Variants in LOC128125822 observed in about 807,000 individuals in gnomAD.
At chr6:63,578,269 C>T in the LOC128125822 span, among the ~76,000 whole-genome samples, 5 of 152,224 alleles carry the variant, frequency 3.3e-5, no homozygotes, top group Non-Finnish European at 5.9e-5. Flanking sequence ...AGCATTGTCA[C>T]TTAAAACAAA....
chr6:63,576,576 GTGGTTA>G, the LOC128125822 span: 2 of 453,902 alleles, frequency 4.4e-6, no homozygotes, highest in African/African-American at 4.1e-5. Flanking sequence ...CCCCATAAGA[GTGGTTA>G]TCCTGGACAC....
the LOC128125822 span, among the ~76,000 whole-genome samples, chr6:63,573,959 CAGCAGT>C: frequency 6.6e-6 from 1 of 152,284 alleles, no homozygotes; most frequent in Non-Finnish European, 1.5e-5. Context: ...TGGTTTGTGG[CAGCAGT>C]AGCCAACCAG....
chr6:63,580,912 A>C, the LOC128125822 span: 1 of 152,594 alleles, frequency 6.6e-6, no homozygotes, highest in Non-Finnish European at 1.5e-5. Context: ...GGTGCAACTT[A>C]ACAGGGAGGG....
chr6:63,575,803 T>C, the LOC128125822 span, among the ~76,000 whole-genome samples: 1 of 152,130 alleles, frequency 6.6e-6, no homozygotes, highest in Non-Finnish European at 1.5e-5. Flanking sequence ...GTCTTCAGTT[T>C]AATGGGAATG....
chr6:63,580,786 CA>C, the LOC128125822 span: 1 of 149,964 alleles, frequency 6.7e-6, no homozygotes, highest in Non-Finnish European at 1.5e-5. Flanking sequence ...CCATGTATCT[CA>C]CTTTGTGCTG....
chr6:63,573,705 G>A, the LOC128125822 span: 1 of 152,300 alleles, frequency 6.6e-6, no homozygotes, highest in Non-Finnish European at 1.5e-5. Context: ...TCGGGCTCGT[G>A]ATAATGGGAA....
the LOC128125822 span, chr6:63,583,512 A>G: frequency 1.3e-5 from 2 of 152,248 alleles, no homozygotes; most frequent in Non-Finnish European, 2.9e-5. Context: ...TAACGTATGA[A>G]TGAAAGGATT....
chr6:63,580,179 G>T, the LOC128125822 span: 6 of 1,595,416 alleles, frequency 3.8e-6, no homozygotes, highest in Non-Finnish European at 4.3e-6. Flanking sequence ...CAATAAAATT[G>T]GGGTGCCTAA....
At chr6:63,574,897 T>A in the LOC128125822 span, among the ~76,000 whole-genome samples, 42 of 152,336 alleles carry the variant, frequency 2.8e-4, no homozygotes, top group African/African-American at 1.0e-3. Flanking sequence ...TTTAGACACT[T>A]AATTTTTTAA....
At chr6:63,572,657 C>T in the LOC128125822 span, 1 of 411,800 alleles carries the variant, frequency 2.4e-6, no homozygotes, top group Non-Finnish European at 4.2e-6. Flanking sequence ...CCGCCTGTGT[C>T]GCCGCCGCCT....
chr6:63,572,748 G>C, the LOC128125822 span: 1 of 398,306 alleles, frequency 2.5e-6, no homozygotes, highest in Non-Finnish European at 4.4e-6. Flanking sequence ...GTCGCCTCTC[G>C]GGCTGGGAAT....
the LOC128125822 span, chr6:63,573,582 C>T: frequency 1.3e-5 from 2 of 152,288 alleles, no homozygotes; most frequent in Non-Finnish European, 2.9e-5. Context: ...GCGAGCTGCA[C>T]CCCTGCCCGG....
the LOC128125822 span, chr6:63,578,486 C>G: frequency 3.1e-6 from 5 of 1,611,954 alleles, no homozygotes. Flanking sequence ...TGTGAAGCAA[C>G]TTATGACACT....
At chr6:63,572,651 C>T in the LOC128125822 span, 1 of 414,054 alleles carries the variant, frequency 2.4e-6, no homozygotes, top group Non-Finnish European at 4.2e-6. Context: ...CCGCCACCGC[C>T]TGTGTCGCCG....
At chr6:63,578,426 G>A in the LOC128125822 span, 24 of 1,597,222 alleles carry the variant, frequency 1.5e-5, no homozygotes, top group South Asian at 3.4e-5. Flanking sequence ...TTTAATGTAC[G>A]TTTTATCCAG....
At chr6:63,578,381 TGA>T in the LOC128125822 span, 1 of 1,534,124 alleles carries the variant, frequency 6.5e-7, no homozygotes, top group Non-Finnish European at 8.7e-7. Flanking sequence ...TATAAAATGT[TGA>T]GTTATAGTGA....
the LOC128125822 span, chr6:63,581,900 AT>A: frequency 6.6e-6 from 1 of 152,190 alleles, no homozygotes; most frequent in East Asian, 1.9e-4. Context: ...ATGATCCACA[AT>A]AATCCCTTTG....
At chr6:63,576,342 A>AT in the LOC128125822 span, 1 of 395,196 alleles carries the variant, frequency 2.5e-6, no homozygotes, top group East Asian at 3.6e-5. Context: ...CTTTAGAAAA[A>AT]TAGTTGTGTA....
chr6:63,578,668 A>G, the LOC128125822 span: 2 of 1,310,066 alleles, frequency 1.5e-6, no homozygotes, highest in East Asian at 5.5e-5. Context: ...ATTGTGCAGA[A>G]TCTTAATTTC....
Sources: allele counts gnomAD v4.1 joint callset (sites outside exome capture counted in the v4.1 genomes callset), GRCh38; gene constraint gnomAD v4.1.1; transcripts MANE v1.5.